The following C11orf52 variants were observed in gnomAD, a reference collection of about 807,000 sequenced individuals.
C11orf52 encodes the protein chromosome 11 open reading frame 52, also known as uncharacterized protein C11orf52.
Under a neutral mutation model 11.7 loss-of-function variants are expected in C11orf52, and 9 were observed. The ratio of observed to expected loss-of-function variants is 0.77; its 90% CI spans 0.46 to 1.34. C11orf52 has a LOEUF of 1.34. Ranked by LOEUF, C11orf52 falls within the 40% of genes most tolerant of loss-of-function variation. The pLI, the probability that C11orf52 is intolerant of heterozygous loss-of-function variation, is 0.00. For missense variants in C11orf52, 139 were observed against 154.8 expected (o/e 0.90, Z 0.54); for synonymous variants, 49 against 57.4 (o/e 0.85, Z 0.66).
Position 111,918,935 on chromosome 11 carries a change from G to T in C11orf52, c.-38G>T. 1 of 1,613,744 alleles carries T rather than the reference G, an allele frequency of 6.2e-7. No individual in the cohort carries two copies. The highest frequency in any genetic ancestry group is 8.5e-7 in the Non-Finnish European group (1 of 1,179,738). On this transcript the variant is annotated 5_prime_UTR_variant, in exon 1 of 4. It removes an upstream start codon present in the reference 5' UTR. Coordinates refer to ENST00000278601, the MANE Select transcript of C11orf52 (RefSeq NM_080659.3). ...CCCGGAAATGCACAAGCCTCTTGAT[G>T]CATAAAAACAGCTGGGCTCCCTTGG... is the stretch of plus-strand genomic sequence containing the variant.
At chr11:111,920,380 A>C (rs587768478) in intron 1 of C11orf52, among the ~76,000 whole-genome samples, 1 of 151,824 alleles carries the variant, frequency 6.6e-6, no homozygotes, top group East Asian at 1.9e-4. Context: ...TACTAAAAAT[A>C]CAAAAAAATT....
chr11:111,926,040 G>A lies in C11orf52; in HGVS notation c.213G>A (p.Ser71=). ...AAGAGAGGAGTCCAGGCCTCATGTCGGAAGACAGCAACTTACATTATGCTG... is the reference window on the plus strand; with the variant it reads ...AAGAGAGGAGTCCAGGCCTCATGTCAGAAGACAGCAACTTACATTATGCTG... ...GSQERSPGLM[S]EDSNLHYADI... The change falls in exon 4 of 4, where the codon TCG becomes TCA. Residue 71 remains serine, a synonymous_variant. Coordinates refer to ENST00000278601, the MANE Select transcript of C11orf52 (RefSeq NM_080659.3). 1 of 1,614,216 alleles carries A rather than the reference G, an allele frequency of 6.2e-7. No individual in the cohort carries two copies. Among genetic ancestry groups the A allele is most frequent in the Non-Finnish European group, 8.5e-7 (1 of 1,180,044 alleles).
intron 2 of C11orf52, 89 bp from the exon 3 acceptor site, chr11:111,925,562 GCC>G: frequency 7.8e-7 from 1 of 1,288,408 alleles, no homozygotes; most frequent in Non-Finnish European, 1.1e-6. Flanking sequence ...ACAGAAGCCT[GCC>G]GTTAATAGTT....
intron 1 of C11orf52, among the ~76,000 whole-genome samples, chr11:111,920,445 C>T (rs1007330250): frequency 6.6e-6 from 1 of 151,488 alleles, no homozygotes; most frequent in African/African-American, 2.4e-5. Flanking sequence ...AGCTAAGGCA[C>T]GAGAATCCCT....
chr11:111,919,011 A>C lies in C11orf52; in HGVS notation c.32+7A>C. 6.2e-7 allele frequency: 1 copy of C among 1,614,194 alleles called. No homozygotes were observed. The highest frequency in any genetic ancestry group is 8.5e-7 in the Non-Finnish European group (1 of 1,180,020). On this transcript the variant is annotated splice_region_variant and intron_variant, in intron 1 of 3. Transcript: ENST00000278601. ...TCTGCTGCGGAGGAAGCTGGTGAGT[A>C]GGCTGGAAGGGCAAAGGGGAACATC...
At position 111,926,479 on chromosome 11, in the gene C11orf52, C is replaced by T. The variant is rs1965814244; in HGVS notation, c.*280C>T. 2.1e-6 allele frequency: 1 copy of T among 480,532 alleles called. No homozygotes were observed. The highest frequency in any genetic ancestry group is 3.8e-6 in the Non-Finnish European group (1 of 266,472). 29.8% of individuals were successfully genotyped at this position (480,532 alleles called of 1,614,324 possible). On this transcript the variant is annotated 3_prime_UTR_variant, in exon 4 of 4. Transcript: ENST00000278601. Reference sequence around the variant, plus strand: ...GTGCAGGGAGGTAGGTCTTCGACCCCACCATTGTTGCTCCTGCTCTTGCAA... The same window carrying T: ...GTGCAGGGAGGTAGGTCTTCGACCCTACCATTGTTGCTCCTGCTCTTGCAA...
intron 1 of C11orf52, among the ~76,000 whole-genome samples, chr11:111,922,804 C>T (rs1965721984): frequency 6.6e-6 from 1 of 152,140 alleles, no homozygotes; most frequent in African/African-American, 2.4e-5. Flanking sequence ...TATGGAATTG[C>T]TACATCAGAG....
chr11:111,921,246 AAC>A lies in C11orf52; in HGVS notation c.32+2244_32+2245del, dbSNP rs112056219. On this transcript the variant is annotated intron_variant, in intron 1 of 3. Transcript: ENST00000278601. The stretch of plus-strand genomic sequence containing the variant: ...CATTCATTTATCCATTCATTTATTA[AAC>A]AGTGTTTATTGAACATGTACTACAG... 5.8e-3 allele frequency among the ~76,000 whole-genome samples: 878 copies of A among 152,358 alleles called. 9 individuals are homozygous for A. The highest frequency in any genetic ancestry group is 0.02 in the African/African-American group (835 of 41,582).
At chr11:111,919,192 T>A (rs1383570036) in intron 1 of C11orf52, 188 bp downstream of exon 1, 11 of 679,764 alleles carry the variant, frequency 1.6e-5, no homozygotes, top group Admixed American at 1.1e-4. Context: ...CAGAGCCAAG[T>A]GGCTGGGCGC....
At chr11:111,920,975 T>TGTGAAAA (rs1965688982) in intron 1 of C11orf52, among the ~76,000 whole-genome samples, 1 of 152,154 alleles carries the variant, frequency 6.6e-6, no homozygotes, top group Non-Finnish European at 1.5e-5. Context: ...ATATAGCGTA[T>TGTGAAAA]GTGAAAACCT....
rs140717344 is a variant in C11orf52 at position 111,926,109 on chromosome 11, C to T, written c.282C>T (p.His94=). 18 of 1,614,164 alleles carry T rather than the reference C, an allele frequency of 1.1e-5. No individual in the cohort carries two copies. In the African/African-American group the frequency reaches 1.9e-4, roughly 17 times the overall value. Residue 94 remains histidine (H), a synonymous_variant, in exon 4 of 4, where the codon CAC becomes CAT. Coordinates refer to ENST00000278601, the MANE Select transcript of C11orf52 (RefSeq NM_080659.3). ...GTCCCCATGCCCGGGAAGTGAAACA[C>T]GTGCATTTAGAAAACGCTACAGAGT... ...CSRPHAREVK[H]VHLENATEYA...
intron 1 of C11orf52, among the ~76,000 whole-genome samples, chr11:111,921,534 G>C (rs1398129686): frequency 6.6e-6 from 1 of 152,206 alleles, no homozygotes; most frequent in Non-Finnish European, 1.5e-5. Context: ...TGTGTTTCCT[G>C]GAATGTCAGG....
Position 111,926,243 on chromosome 11 carries a change from G to GC in C11orf52, c.*44_*45insC. 5.6e-6 allele frequency: 9 copies of GC among 1,604,220 alleles called. No individual in the cohort carries two copies. The highest frequency in any genetic ancestry group is 7.7e-6 in the Non-Finnish European group (9 of 1,173,376). On this transcript the variant is annotated 3_prime_UTR_variant, in exon 4 of 4. Coordinates refer to ENST00000278601, the MANE Select transcript of C11orf52 (RefSeq NM_080659.3). ...CAGTCCATCGTTAACCACTACACCT[G>GC]TGGGGGAGAACCTACTGCTTTGGGG...
Position 111,926,110 on chromosome 11 carries a change from G to A in C11orf52, c.283G>A (p.Val95Met), listed in dbSNP as rs782542863. ...SRPHAREVKH[V>M]HLENATEYAT... Reference sequence around the variant, plus strand: ...TCCCCATGCCCGGGAAGTGAAACACGTGCATTTAGAAAACGCTACAGAGTA... The same window carrying A: ...TCCCCATGCCCGGGAAGTGAAACACATGCATTTAGAAAACGCTACAGAGTA... Residue 95 changes from valine (V) to methionine (M), a missense_variant, in exon 4 of 4, where the codon GTG becomes ATG. By Grantham distance (21) the Val-to-Met change is conservative. Transcript: ENST00000278601. 8 of 1,614,240 alleles carry A rather than the reference G, an allele frequency of 5.0e-6. No individual in the cohort carries two copies. The highest frequency in any genetic ancestry group is 4.5e-5 in the East Asian group (2 of 44,888).
chr11:111,922,129 G>A (rs1175524616), intron 1 of C11orf52, among the ~76,000 whole-genome samples: 1 of 152,176 alleles, frequency 6.6e-6, no homozygotes, highest in African/African-American at 2.4e-5. Flanking sequence ...ACCGCACCTG[G>A]CCTATCATAC....
chr11:111,925,777 C>A, intron 3 of C11orf52, 63 bp downstream of exon 3: 1 of 1,593,068 alleles, frequency 6.3e-7, no homozygotes, highest in South Asian at 1.1e-5. Flanking sequence ...GTAGTCAGCT[C>A]TTTTGCACTG....
intron 1 of C11orf52, among the ~76,000 whole-genome samples, chr11:111,920,059 G>A (rs1965666041): frequency 1.3e-5 from 2 of 152,024 alleles, no homozygotes; most frequent in Non-Finnish European, 2.9e-5. Context: ...GCCGGGCGTG[G>A]TGGTGGGTGC....
Position 111,924,309 on chromosome 11 carries a change from T to C in C11orf52, c.33-17T>C, listed in dbSNP as rs782130129. 13 of 1,612,610 alleles carry C rather than the reference T, an allele frequency of 8.1e-6. No homozygotes were observed. The highest frequency in any genetic ancestry group is 6.8e-6 in the Non-Finnish European group (8 of 1,179,356). On this transcript the variant is annotated splice_polypyrimidine_tract_variant and intron_variant, in intron 1 of 3. Transcript: ENST00000278601. ...CCAGGGCTCTTGCACATGGGTGATC[T>C]GTTTTTCCTATTACAGGAGCTGCCC...
At chr11:111,921,954 T>A (rs1965707329) in intron 1 of C11orf52, among the ~76,000 whole-genome samples, 1 of 152,162 alleles carries the variant, frequency 6.6e-6, no homozygotes, top group African/African-American at 2.4e-5. Context: ...TGCCTCAGTC[T>A]CCCTAGTAGC....
Sources: gnomAD v4.1 joint callset for allele counts (sites outside exome capture counted in the v4.1 genomes callset) on GRCh38, gnomAD v4.1.1 for gene constraint, MANE v1.5 for transcripts, NCBI Gene and HGNC (gene_info 2026-07-23, HGNC 2026-07-21) for gene names.